Variants in GALNT13 observed in about 807,000 individuals in gnomAD.
GALNT13 encodes the protein polypeptide N-acetylgalactosaminyltransferase 13, also known as UDP-GalNAc:polypeptide N-acetylgalactosaminyltransferase 13.
Under a neutral mutation model 64.2 loss-of-function variants are expected in GALNT13, and 28 were observed. The observed-to-expected ratio is 0.44, with a 90% CI of 0.32 to 0.60. The LOEUF is 0.60. GALNT13 is among the 20% of genes least tolerant of loss of function. The pLI is 0.05. For synonymous variants in GALNT13, 214 were observed against 224.6 expected, an observed-to-expected ratio of 0.95 and a Z score of 0.42; for missense variants, 577 against 669.8, an observed-to-expected ratio of 0.86 and a Z score of 1.53.
At chr2:154,364,527 A>G (rs1697252289) in intron 9 of GALNT13, among the ~76,000 whole-genome samples, 1 of 152,232 alleles carries the variant, frequency 6.6e-6, no homozygotes, top group Non-Finnish European at 1.5e-5. Flanking sequence ...TAAGGATATC[A>G]GTGAAAATGA....
chr2:153,848,389 G>T, the GALNT13 span, among the ~76,000 whole-genome samples: 9 of 152,144 alleles, frequency 5.9e-5, no homozygotes, highest in Non-Finnish European at 1.2e-4. Flanking sequence ...ACTTGGTAGT[G>T]TTAGGCTGAA....
chr2:154,297,229 CAA>C (rs1692978910), intron 8 of GALNT13, among the ~76,000 whole-genome samples: 1 of 152,062 alleles, frequency 6.6e-6, no homozygotes, highest in African/African-American at 2.4e-5. Context: ...TTTCTCACTA[CAA>C]AACAAATTGC....
the GALNT13 span, among the ~76,000 whole-genome samples, chr2:153,405,537 T>G: frequency 6.6e-6 from 1 of 152,312 alleles, no homozygotes; most frequent in Non-Finnish European, 1.5e-5. Context: ...TGAACTATTT[T>G]CCACGCAATT....
chr2:153,667,437 C>A, the GALNT13 span, among the ~76,000 whole-genome samples: 1 of 152,176 alleles, frequency 6.6e-6, no homozygotes, highest in Admixed American at 6.5e-5. Flanking sequence ...TTCATGAGAA[C>A]CTCTACAATC....
chr2:153,541,411 A>G, the GALNT13 span, among the ~76,000 whole-genome samples: 1 of 152,082 alleles, frequency 6.6e-6, no homozygotes, highest in African/African-American at 2.4e-5. Context: ...GTGAGAATGG[A>G]CTAATCGACT....
chr2:154,209,683 T>C (rs1434818073), intron 4 of GALNT13, among the ~76,000 whole-genome samples: 2 of 152,192 alleles, frequency 1.3e-5, no homozygotes, highest in Non-Finnish European at 2.9e-5. Flanking sequence ...TACTACGTTA[T>C]TTGAACATTG....
chr2:153,801,088 G>C, the GALNT13 span, among the ~76,000 whole-genome samples: 1 of 152,114 alleles, frequency 6.6e-6, no homozygotes, highest in African/African-American at 2.4e-5. Context: ...TAGAATTAAA[G>C]AGAGTTAGGG....
the GALNT13 span, among the ~76,000 whole-genome samples, chr2:153,361,187 T>C: frequency 6.6e-6 from 1 of 151,892 alleles, no homozygotes; most frequent in African/African-American, 2.4e-5. Context: ...CAACAAAAAA[T>C]GTCCCCACAA....
At chr2:153,932,929 G>A (rs1282560165) in intron 2 of GALNT13, among the ~76,000 whole-genome samples, 4 of 151,984 alleles carry the variant, frequency 2.6e-5, no homozygotes, top group Non-Finnish European at 4.4e-5. Context: ...TGCCTGGCCC[G>A]ACAGATCTTC....
the GALNT13 span, among the ~76,000 whole-genome samples, chr2:153,114,998 G>A: frequency 6.6e-6 from 1 of 151,672 alleles, no homozygotes; most frequent in Non-Finnish European, 1.5e-5. Flanking sequence ...TGTAAGATAG[G>A]GGCAATAATA....
chr2:153,600,448 G>A, the GALNT13 span, among the ~76,000 whole-genome samples: 1 of 152,024 alleles, frequency 6.6e-6, no homozygotes, highest in African/African-American at 2.4e-5. Flanking sequence ...AATGGATGTA[G>A]GCTTAAAAGG....
chr2:154,095,675 C>G (rs1413266327), intron 3 of GALNT13, among the ~76,000 whole-genome samples: 1 of 151,928 alleles, frequency 6.6e-6, no homozygotes, highest in Non-Finnish European at 1.5e-5. Flanking sequence ...TCAGTCTTTA[C>G]TTCCAAATAT....
intron 9 of GALNT13, among the ~76,000 whole-genome samples, chr2:154,350,124 C>CT (rs1696310152): frequency 6.6e-6 from 1 of 152,196 alleles, no homozygotes; most frequent in African/African-American, 2.4e-5. Context: ...GTGCATTCAA[C>CT]AAACATCCAT....
At chr2:153,562,273 CG>C in the GALNT13 span, among the ~76,000 whole-genome samples, 1 of 151,940 alleles carries the variant, frequency 6.6e-6, no homozygotes, top group Non-Finnish European at 1.5e-5. Flanking sequence ...ACACTTAGTT[CG>C]TTTTTTTATC....
the GALNT13 span, among the ~76,000 whole-genome samples, chr2:153,562,179 TG>T: frequency 6.6e-6 from 1 of 151,650 alleles, no homozygotes; most frequent in Non-Finnish European, 1.5e-5. Flanking sequence ...GTGAGTAAAT[TG>T]GAGGTATTAT....
chr2:153,150,709 G>A, the GALNT13 span, among the ~76,000 whole-genome samples: 2 of 152,032 alleles, frequency 1.3e-5, no homozygotes, highest in African/African-American at 4.8e-5. Flanking sequence ...AGTTTTCCCA[G>A]CACCATTTAT....
the GALNT13 span, among the ~76,000 whole-genome samples, chr2:153,720,577 A>G: frequency 3.3e-5 from 5 of 150,208 alleles, no homozygotes; most frequent in Non-Finnish European, 6.0e-5. Context: ...AATTTAGAAG[A>G]ATGTATAACT....
Position 153,966,771 on chromosome 2 carries a change from C to T in GALNT13, c.142+22132C>T, listed in dbSNP as rs571194046. 1.3e-4 allele frequency among the ~76,000 whole-genome samples: 20 copies of T among 151,858 alleles called. No individual in the cohort carries two copies. In the South Asian group the frequency reaches 4.0e-3, roughly 30 times the overall value. ...TTCTTGGTGTTCTTTGTTGTTCTAC[C>T]TGGTTATTCGTGTTTTTTCCAGGTT... On this transcript the variant is annotated intron_variant, in intron 3 of 12. Coordinates refer to ENST00000392825, the MANE Select transcript of GALNT13 (RefSeq NM_052917.4).
chr2:154,175,071 C>G (rs536453002), intron 4 of GALNT13, among the ~76,000 whole-genome samples: 32 of 152,212 alleles, frequency 2.1e-4, no homozygotes, highest in Non-Finnish European at 3.7e-4. Context: ...TATTCCCTAT[C>G]ATTTTGTTAA....
Sources: gnomAD v4.1 joint callset for allele counts (sites outside exome capture counted in the v4.1 genomes callset) on GRCh38, gnomAD v4.1.1 for gene constraint, MANE v1.5 for transcripts, NCBI Gene and HGNC (gene_info 2026-07-23, HGNC 2026-07-21) for gene names.